Variants in FAXDC2 observed in about 807,000 individuals in gnomAD.
FAXDC2 encodes the protein fatty acid hydroxylase domain containing 2.
Under a neutral mutation model 40.9 loss-of-function variants are expected in FAXDC2, and 41 were observed. The observed-to-expected ratio is 1.00, with a 90% CI of 0.78 to 1.30. FAXDC2 has a LOEUF of 1.30. FAXDC2 is among the 50% of genes most tolerant of loss of function. The pLI, the probability that FAXDC2 is intolerant of heterozygous loss-of-function variation, is 0.00. For missense variants in FAXDC2, 390 were observed against 408.8 expected, an observed-to-expected ratio of 0.95 and a Z score of 0.40; for synonymous variants, 157 against 149.3, an observed-to-expected ratio of 1.05 and a Z score of -0.38.
chr5:154,825,224 CGTGGTGG>C (rs1759996668), intron 5 of FAXDC2, among the ~76,000 whole-genome samples: 1 of 150,874 alleles, frequency 6.6e-6, no homozygotes, highest in South Asian at 2.1e-4. Flanking sequence ...CTTAGCTAGG[CGTGGTGG>C]CATGCACTTG....
Position 154,849,543 on chromosome 5 carries a change from C to A in FAXDC2, c.-1+940G>T, listed in dbSNP as rs535987070. ...AGATTTGCCGAATAAATAAGAGATACACGAATCAAAAGCATTGCTTTTTGC... is the reference window on the plus strand; with the variant it reads ...AGATTTGCCGAATAAATAAGAGATAAACGAATCAAAAGCATTGCTTTTTGC... On this transcript the variant is annotated intron_variant, in intron 1 of 8. Coordinates refer to ENST00000326080, the MANE Select transcript of FAXDC2 (RefSeq NM_032385.5). Among the ~76,000 whole-genome samples the A allele has an allele frequency of 3.3e-4, 51 of 152,258 alleles. No individual in the cohort carries two copies. The Middle Eastern group carries it at 0.014, about 41-fold the overall frequency.
chr5:154,832,216 G>GTT (rs1554093847), intron 4 of FAXDC2, among the ~76,000 whole-genome samples: 70 of 134,932 alleles, frequency 5.2e-4, no homozygotes, highest in African/African-American at 9.1e-4. Flanking sequence ...ATTTACTTTT[G>GTT]TTTTTTTTTT....
At chr5:154,820,825 C>G (rs988619405) in intron 8 of FAXDC2, 1 of 250,458 alleles carries the variant, frequency 4.0e-6, no homozygotes, top group African/African-American at 2.3e-5. Flanking sequence ...GCCCTGCTCC[C>G]CCAGATACCT....
intron 1 of FAXDC2, among the ~76,000 whole-genome samples, chr5:154,850,069 G>A (rs186874680): frequency 1.3e-5 from 2 of 152,330 alleles, no homozygotes; most frequent in East Asian, 3.8e-4. Flanking sequence ...GAAGCAATTA[G>A]GCAGCAGTTG....
In FAXDC2 at chr5:154,827,031, G is replaced by A. The variant is rs528270347; in HGVS notation, c.367-3439C>T. 8.5e-5 allele frequency among the ~76,000 whole-genome samples: 13 copies of A among 152,276 alleles called. No homozygotes were observed. In the South Asian group the frequency reaches 1.7e-3, roughly 19 times the overall value. On this transcript the variant is annotated intron_variant, in intron 5 of 8. Transcript: ENST00000326080. ...GAAAAGAGTAGACAGATGGCCGGGC[G>A]TGGTGTCTCACGCCTTTTATCCCAG... is the stretch of plus-strand genomic sequence containing the variant.
At chr5:154,841,567 A>T (rs1182370953) in intron 1 of FAXDC2, among the ~76,000 whole-genome samples, 1 of 152,134 alleles carries the variant, frequency 6.6e-6, no homozygotes, top group Non-Finnish European at 1.5e-5. Flanking sequence ...GGGCTTATGA[A>T]GATTCCAAAG....
intron 6 of FAXDC2, 200 bp downstream of exon 6, chr5:154,823,187 A>AT (rs1208793468): frequency 1.9e-5 from 11 of 565,154 alleles, no homozygotes; most frequent in Admixed American, 1.2e-4. Context: ...AATTTTTTAA[A>AT]TTTTTTTGTA....
At chr5:154,827,469 T>C (rs1162691587) in intron 5 of FAXDC2, among the ~76,000 whole-genome samples, 1 of 111,198 alleles carries the variant, frequency 9.0e-6, no homozygotes, top group East Asian at 2.0e-4. Flanking sequence ...GTATGTCTGT[T>C]TTTTTGTGAG....
chr5:154,824,427 C>T (rs1582520571), intron 5 of FAXDC2: 1 of 696,554 alleles, frequency 1.4e-6, no homozygotes, highest in Non-Finnish European at 2.6e-6. Flanking sequence ...CAAAGCGCGA[C>T]AGGTTCAGAA....
chr5:154,844,211 C>G (rs1258557037), intron 1 of FAXDC2, among the ~76,000 whole-genome samples: 1 of 149,936 alleles, frequency 6.7e-6, no homozygotes, highest in Non-Finnish European at 1.5e-5. Context: ...GAGTGAGACT[C>G]TGTCTCAAAA....
intron 1 of FAXDC2, among the ~76,000 whole-genome samples, chr5:154,848,050 A>G (rs539589010): frequency 2.0e-5 from 3 of 152,158 alleles, no homozygotes; most frequent in South Asian, 4.2e-4. Flanking sequence ...CATGTTAGCC[A>G]GGATGGTCTT....
intron 5 of FAXDC2, chr5:154,829,330 G>C (rs1760132383): frequency 6.6e-6 from 1 of 152,458 alleles, no homozygotes; most frequent in Non-Finnish European, 1.5e-5. Context: ...GTAGCATTCA[G>C]CTCCCCACTT....
At chr5:154,835,208 C>T in intron 2 of FAXDC2, 2 of 378,146 alleles carry the variant, frequency 5.3e-6, no homozygotes, top group South Asian at 6.5e-5. Context: ...GCAGGCAATT[C>T]TGTCAGTCAG....
intron 6 of FAXDC2, 86 bp from the exon 7 acceptor site, chr5:154,822,663 A>G: frequency 9.9e-7 from 1 of 1,010,024 alleles, no homozygotes; most frequent in South Asian, 1.3e-5. Context: ...AATAGGAACT[A>G]GGGGTTACAT....
chr5:154,823,195 G>T (rs977635064), intron 6 of FAXDC2, 192 bp downstream of exon 6: 3 of 578,110 alleles, frequency 5.2e-6, no homozygotes, highest in African/African-American at 1.9e-5. Context: ...AAATTTTTTT[G>T]TAGAGACGGG....
At chr5:154,843,675 C>G (rs1038097853) in intron 1 of FAXDC2, among the ~76,000 whole-genome samples, 2 of 152,148 alleles carry the variant, frequency 1.3e-5, no homozygotes, top group Non-Finnish European at 2.9e-5. Flanking sequence ...TGTTTTTAGT[C>G]AGACCATAGT....
chr5:154,826,073 TC>T (rs1760027062), intron 5 of FAXDC2, among the ~76,000 whole-genome samples: 1 of 152,060 alleles, frequency 6.6e-6, no homozygotes, highest in South Asian at 2.1e-4. Flanking sequence ...GTGTGAGCTG[TC>T]GGCCTATGGA....
chr5:154,850,052 G>A (rs1760692675), intron 1 of FAXDC2, among the ~76,000 whole-genome samples: 1 of 152,228 alleles, frequency 6.6e-6, no homozygotes. Context: ...TGGCAGAGTA[G>A]AGATGAGAAG....
At chr5:154,843,993 T>C (rs908071053) in intron 1 of FAXDC2, among the ~76,000 whole-genome samples, 18 of 151,598 alleles carry the variant, frequency 1.2e-4, no homozygotes, top group African/African-American at 4.1e-4. Context: ...CTGAGGTGGG[T>C]GGATCGTTTG....
Sources: allele counts gnomAD v4.1 joint callset (sites outside exome capture counted in the v4.1 genomes callset), GRCh38; gene constraint gnomAD v4.1.1; transcripts MANE v1.5; gene names NCBI Gene and HGNC (gene_info 2026-07-23, HGNC 2026-07-21).